TUSC3: variants seen among roughly 807,000 people sequenced by gnomAD.
TUSC3 encodes the protein dolichyl-diphosphooligosaccharide--protein glycosyltransferase subunit TUSC3.
Under a neutral mutation model 44.8 loss-of-function variants are expected in TUSC3, and 45 were observed. The observed-to-expected ratio is 1.00, with a 90% CI of 0.79 to 1.29. TUSC3 has a LOEUF of 1.29. Among genes scored for constraint, TUSC3 ranks in the 50% most tolerant of loss-of-function variants. The pLI is 0.00. For synonymous variants in TUSC3, 212 were observed against 152.9 expected (o/e 1.39, Z -2.85); for missense variants, 519 against 437.9 (o/e 1.19, Z -1.65).
intron 8 of TUSC3, 93 bp from the exon 9 acceptor site, chr8:15,748,282 G>C: frequency 1.1e-6 from 1 of 938,874 alleles, no homozygotes; most frequent in Non-Finnish European, 1.8e-6. Flanking sequence ...TTAAATGTAA[G>C]TATACTGTAA....
chr8:15,487,028 G>C (rs1314013155), intron 2 of TUSC3, among the ~76,000 whole-genome samples: 1 of 152,112 alleles, frequency 6.6e-6, no homozygotes, highest in East Asian at 1.9e-4. Flanking sequence ...AAAAGCTTCA[G>C]TTTTTATACC....
intron 6 of TUSC3, among the ~76,000 whole-genome samples, chr8:15,702,282 T>C (rs1426571058): frequency 6.6e-6 from 1 of 152,182 alleles, no homozygotes; most frequent in African/African-American, 2.4e-5. Context: ...TTTGTAAACA[T>C]TGGTATTAAA....
chr8:15,476,739 G>T (rs1382072190), intron 1 of TUSC3, among the ~76,000 whole-genome samples: 1 of 152,174 alleles, frequency 6.6e-6, no homozygotes, highest in South Asian at 2.1e-4. Flanking sequence ...CAAGAGCCTG[G>T]TTACAGAATT....
rs1806632555 is a variant in TUSC3, at chr8:15,646,404, T to C, written c.309-4293T>C. Reference sequence around the variant, plus strand: ...CGTAGTGGGGAACATTTTTGGACTTTAGAATAGAGGCTAGAATCTACAAAT... The same window carrying C: ...CGTAGTGGGGAACATTTTTGGACTTCAGAATAGAGGCTAGAATCTACAAAT... On this transcript the variant is annotated intron_variant, in intron 2 of 10. Transcript: ENST00000503731. Among the ~76,000 whole-genome samples, 2 of 152,096 alleles carry C rather than the reference T, an allele frequency of 1.3e-5. 1 individual carries two copies. The highest frequency in any genetic ancestry group is 4.1e-4 in the South Asian group (2 of 4,826).
At chr8:15,824,519 A>C in the TUSC3 span, among the ~76,000 whole-genome samples, 2 of 151,910 alleles carry the variant, frequency 1.3e-5, no homozygotes, top group Non-Finnish European at 2.9e-5. Context: ...CAAAAAACCA[A>C]ACACTGCATG....
intron 6 of TUSC3, among the ~76,000 whole-genome samples, chr8:15,708,966 T>C (rs2129198730): frequency 1.3e-5 from 2 of 151,996 alleles, no homozygotes; most frequent in East Asian, 3.9e-4. Flanking sequence ...TGATCTAAAT[T>C]GACAAAGTAG....
intron 2 of TUSC3, among the ~76,000 whole-genome samples, chr8:15,650,174 T>G (rs540429299): frequency 6.6e-6 from 1 of 152,202 alleles, no homozygotes; most frequent in African/African-American, 2.4e-5. Flanking sequence ...CATTTTGAGA[T>G]AAATGGAATG....
At chr8:15,633,924 A>G (rs2129169012) in intron 2 of TUSC3, among the ~76,000 whole-genome samples, 1 of 152,238 alleles carries the variant, frequency 6.6e-6, no homozygotes, top group South Asian at 2.1e-4. Flanking sequence ...TTCTCACCAT[A>G]AACAAAACAT....
At chr8:15,751,490 A>G (rs888188676) in intron 9 of TUSC3, among the ~76,000 whole-genome samples, 1 of 152,042 alleles carries the variant, frequency 6.6e-6, no homozygotes, top group African/African-American at 2.4e-5. Flanking sequence ...CACTCTCTCA[A>G]CATGATTTTG....
At chr8:15,734,214 C>A (rs1437740531) in intron 7 of TUSC3, among the ~76,000 whole-genome samples, 1 of 152,154 alleles carries the variant, frequency 6.6e-6, no homozygotes, top group African/African-American at 2.4e-5. Flanking sequence ...GAGAACATTT[C>A]TATCTTTTGG....
At chr8:15,555,122 A>T (rs1802201425) in intron 1 of TUSC3, among the ~76,000 whole-genome samples, 1 of 145,190 alleles carries the variant, frequency 6.9e-6, no homozygotes, top group South Asian at 2.2e-4. Context: ...CGTAGGTGAC[A>T]ATATTATAAT....
intron 6 of TUSC3, among the ~76,000 whole-genome samples, chr8:15,712,162 C>G (rs987646420): frequency 6.6e-6 from 1 of 151,804 alleles, no homozygotes; most frequent in Non-Finnish European, 1.5e-5. Context: ...TAAGTAATAG[C>G]TTATTTGAAA....
At chr8:15,756,593 A>C (rs963117977) in intron 9 of TUSC3, among the ~76,000 whole-genome samples, 1 of 152,144 alleles carries the variant, frequency 6.6e-6, no homozygotes, top group Admixed American at 6.5e-5. Flanking sequence ...TATATCTCCA[A>C]AGTGCTAAGC....
chr8:15,818,921 T>G, the TUSC3 span, among the ~76,000 whole-genome samples: 1 of 152,196 alleles, frequency 6.6e-6, no homozygotes, highest in Admixed American at 6.5e-5. Flanking sequence ...CAAGTCAATA[T>G]TGACAAATTC....
the TUSC3 span, among the ~76,000 whole-genome samples, chr8:15,837,040 G>A: frequency 2.6e-5 from 4 of 151,944 alleles, no homozygotes; most frequent in East Asian, 7.8e-4. Flanking sequence ...TTTTATCACT[G>A]TTTGTCTGAC....
At chr8:15,570,773 C>G (rs905533216) in intron 1 of TUSC3, among the ~76,000 whole-genome samples, 7 of 151,868 alleles carry the variant, frequency 4.6e-5, no homozygotes, top group African/African-American at 1.7e-4. Flanking sequence ...GACTTCAAAG[C>G]TGTTCTTCTG....
chr8:15,573,215 T>C (rs1179405959), intron 1 of TUSC3, among the ~76,000 whole-genome samples: 4 of 138,892 alleles, frequency 2.9e-5, no homozygotes, highest in Non-Finnish European at 3.1e-5. Flanking sequence ...TATATATATA[T>C]ATATATATAT....
chr8:15,809,562 A>C, the TUSC3 span, among the ~76,000 whole-genome samples: 2 of 152,230 alleles, frequency 1.3e-5, no homozygotes, highest in Non-Finnish European at 2.9e-5. Flanking sequence ...ATACATATAT[A>C]CTTAAAAGAA....
chr8:15,782,306 G>A, the TUSC3 span, among the ~76,000 whole-genome samples: 1 of 151,920 alleles, frequency 6.6e-6, no homozygotes. Flanking sequence ...GACTCCATCT[G>A]TACAAAAAAA....
Sources: allele counts gnomAD v4.1 joint callset (sites outside exome capture counted in the v4.1 genomes callset), GRCh38; gene constraint gnomAD v4.1.1; transcripts MANE v1.5; gene names NCBI Gene and HGNC (gene_info 2026-07-23, HGNC 2026-07-21).